KCNMA1: variants seen among roughly 807,000 people sequenced by gnomAD.
KCNMA1 encodes potassium calcium-activated channel subfamily M alpha 1, also known as Calcium-activated potassium channel subunit alpha-1.
KCNMA1 carries 29 observed loss-of-function variants against 140.0 expected under a neutral mutation model. That is an observed-to-expected ratio of 0.21 (90% CI 0.15 to 0.28). KCNMA1 has a LOEUF of 0.28. Among genes scored for constraint, KCNMA1 ranks in the 10% least tolerant of loss-of-function variants. KCNMA1 has a pLI of 1.00. For synonymous variants in KCNMA1, 612 were observed against 611.9 expected, an observed-to-expected ratio of 1.00 and a Z score of 0.00; for missense variants, 880 against 1,602.2, an observed-to-expected ratio of 0.55 and a Z score of 7.70.
chr10:77,472,676 ATTTC>A (rs1407904909), intron 1 of KCNMA1, among the ~76,000 whole-genome samples: 1 of 152,174 alleles, frequency 6.6e-6, no homozygotes, highest in Non-Finnish European at 1.5e-5. Flanking sequence ...TCTAAAAATT[ATTTC>A]TTTTTATTCT....
chr10:77,592,476 G>A lies in KCNMA1; in HGVS notation c.378+44789C>T, dbSNP rs377378877. Among the ~76,000 whole-genome samples the A allele has an allele frequency of 1.1e-4, 17 of 152,298 alleles. No individual in the cohort carries two copies. The East Asian group carries it at 2.3e-3, about 21-fold the overall frequency. On this transcript the variant is annotated intron_variant, in intron 1 of 27. Transcript: ENST00000286628. ...AGTGATGTAAGATGTGAACAATTAC[G>A]GGAAACTGGCTAACAGGTAGACAGG...
intron 9 of KCNMA1, chr10:77,090,715 A>G (rs924412933): frequency 8.4e-6 from 5 of 598,624 alleles, no homozygotes; most frequent in African/African-American, 1.9e-5. Context: ...TAGACAGAAA[A>G]GCCATATGGC....
intron 2 of KCNMA1, among the ~76,000 whole-genome samples, chr10:77,387,049 G>A (rs1210676805): frequency 6.6e-6 from 1 of 152,196 alleles, no homozygotes; most frequent in African/African-American, 2.4e-5. Context: ...GGGCTGAGGG[G>A]AAGGCTTTGC....
At chr10:76,882,176 G>C (rs758330077), downstream of KCNMA1, among the ~76,000 whole-genome samples, 1 of 152,210 alleles carries the variant, frequency 6.6e-6, no homozygotes, top group Non-Finnish European at 1.5e-5. Flanking sequence ...TGTTGGCTCT[G>C]TGGGTTGTCA....
intron 26 of KCNMA1, among the ~76,000 whole-genome samples, chr10:76,890,663 T>C (rs1589645692): frequency 6.6e-6 from 1 of 152,200 alleles, no homozygotes; most frequent in East Asian, 1.9e-4. Flanking sequence ...GCGACACCAT[T>C]GTTTGTGTAA....
intron 23 of KCNMA1, 46 bp from the exon 24 acceptor site, chr10:76,915,095 A>C (rs759670432): frequency 5.7e-6 from 8 of 1,408,598 alleles, no homozygotes; most frequent in Admixed American, 1.7e-5. Context: ...GAGAAGTAGA[A>C]AATTTGGAAA....
At chr10:77,228,720 T>C (rs1396991232) in intron 3 of KCNMA1, among the ~76,000 whole-genome samples, 1 of 151,964 alleles carries the variant, frequency 6.6e-6, no homozygotes, top group African/African-American at 2.4e-5. Context: ...GCACTGAGTG[T>C]AAACACTCTC....
At chr10:77,506,936 T>C (rs1273904373) in intron 1 of KCNMA1, among the ~76,000 whole-genome samples, 1 of 151,812 alleles carries the variant, frequency 6.6e-6, no homozygotes, top group Non-Finnish European at 1.5e-5. Context: ...GATGTTCCTA[T>C]GAAGCCCTCA....
At chr10:77,179,322 C>T (rs959300210) in intron 5 of KCNMA1, among the ~76,000 whole-genome samples, 2 of 152,128 alleles carry the variant, frequency 1.3e-5, no homozygotes, top group Non-Finnish European at 2.9e-5. Flanking sequence ...CCGGGGTGTT[C>T]TTAAGCCCCA....
chr10:77,341,437 T>G (rs10740465), intron 2 of KCNMA1, among the ~76,000 whole-genome samples: 60,801 of 151,930 alleles, frequency 0.4, 12,290 homozygotes, highest in Middle Eastern at 0.46. Context: ...TCTGCATGTG[T>G]CTCCATTTTT....
At chr10:77,287,597 A>G (rs768605374) in intron 2 of KCNMA1, among the ~76,000 whole-genome samples, 3 of 152,316 alleles carry the variant, frequency 2.0e-5, no homozygotes, top group East Asian at 1.9e-4. Flanking sequence ...CTGAGCATCT[A>G]TGAAAAAGTA....
intron 2 of KCNMA1, among the ~76,000 whole-genome samples, chr10:77,297,140 A>C (rs2075374258): frequency 6.6e-6 from 1 of 152,170 alleles, no homozygotes. Context: ...CACAGAGAAA[A>C]CTGAGAGATT....
chr10:77,133,451 C>T (rs1487905055), intron 5 of KCNMA1, among the ~76,000 whole-genome samples: 1 of 151,656 alleles, frequency 6.6e-6, no homozygotes, highest in Non-Finnish European at 1.5e-5. Context: ...AAATTATGTG[C>T]CTGGCAAATG....
intron 19 of KCNMA1, chr10:76,980,500 G>A (rs752001304): frequency 3.3e-5 from 5 of 152,198 alleles, no homozygotes; most frequent in Non-Finnish European, 5.9e-5. Flanking sequence ...ACCAACTACT[G>A]TCCCCAGTGT....
intron 3 of KCNMA1, among the ~76,000 whole-genome samples, chr10:77,236,886 A>G (rs1298766075): frequency 6.6e-6 from 1 of 152,146 alleles, no homozygotes; most frequent in Non-Finnish European, 1.5e-5. Context: ...CTCAAGCCAT[A>G]CTCTTGACTC....
intron 9 of KCNMA1, among the ~76,000 whole-genome samples, chr10:77,101,376 G>A (rs1472064379): frequency 6.6e-6 from 1 of 152,154 alleles, no homozygotes; most frequent in Non-Finnish European, 1.5e-5. Context: ...AAAGCAGAAT[G>A]CCTAATCAGT....
chr10:77,086,701 T>C (rs1595669878), intron 10 of KCNMA1, 108 bp from the exon 11 acceptor site: 3 of 769,806 alleles, frequency 3.9e-6, no homozygotes, highest in East Asian at 5.3e-5. Flanking sequence ...GGAGAGGCTG[T>C]GACCTACAGT....
intron 23 of KCNMA1, among the ~76,000 whole-genome samples, chr10:76,924,589 G>T (rs1190935546): frequency 6.6e-6 from 1 of 152,138 alleles, no homozygotes; most frequent in Non-Finnish European, 1.5e-5. Flanking sequence ...GAACATGATG[G>T]ATGGACACAG....
chr10:77,231,182 A>G (rs2154206885), intron 3 of KCNMA1, among the ~76,000 whole-genome samples: 1 of 152,336 alleles, frequency 6.6e-6, no homozygotes, highest in East Asian at 1.9e-4. Flanking sequence ...ACATGTGACT[A>G]GGAGAAAATT....
Sources: gnomAD v4.1 joint callset for allele counts (sites outside exome capture counted in the v4.1 genomes callset) on GRCh38, gnomAD v4.1.1 for gene constraint, MANE v1.5 for transcripts, NCBI Gene and HGNC (gene_info 2026-07-23, HGNC 2026-07-21) for gene names.